Variants in FHIT observed in about 807,000 individuals in gnomAD.
The protein encoded by FHIT is fragile histidine triad diadenosine triphosphatase.
FHIT carries 19 observed loss-of-function variants against 17.9 expected under a neutral mutation model. The observed-to-expected ratio is 1.06, with a 90% CI of 0.74 to 1.56. FHIT has a LOEUF of 1.56. FHIT is among the 40% of genes most tolerant of loss of function. The pLI is 0.00. For synonymous variants in FHIT, 81 were observed against 69.7 expected, an observed-to-expected ratio of 1.16 and a Z score of -0.81; for missense variants, 248 against 189.2, an observed-to-expected ratio of 1.31 and a Z score of -1.82.
intron 3 of FHIT, among the ~76,000 whole-genome samples, chr3:60,928,983 C>T (rs572618978): frequency 8.5e-5 from 13 of 152,222 alleles, no homozygotes; most frequent in Middle Eastern, 3.4e-3. Flanking sequence ...ACTGGCAAAC[C>T]GAATCCAGCA....
intron 5 of FHIT, among the ~76,000 whole-genome samples, chr3:60,051,461 G>A (rs1242985023): frequency 1.3e-5 from 2 of 151,902 alleles, no homozygotes; most frequent in Non-Finnish European, 2.9e-5. Context: ...AGGAGGCAGG[G>A]CTCGGACACC....
rs1359336134 is a variant in FHIT at position 61,229,286 on chromosome 3, G to C, written c.-213+22015C>G. On this transcript the variant is annotated intron_variant, in intron 1 of 9. Coordinates refer to ENST00000492590, the MANE Select transcript of FHIT (RefSeq NM_002012.4). The stretch of plus-strand genomic sequence containing the variant: ...AAAAGAAGAAGATATAGAAGAGAAG[G>C]CCAAATGAAGCAAACAGTTATGTGG... 2.0e-5 allele frequency among the ~76,000 whole-genome samples: 3 copies of C among 152,232 alleles called. No homozygotes were observed. In the East Asian group the frequency reaches 5.8e-4, roughly 29 times the overall value.
At chr3:60,972,785 A>G (rs542429265) in intron 3 of FHIT, among the ~76,000 whole-genome samples, 1 of 151,904 alleles carries the variant, frequency 6.6e-6, no homozygotes, top group South Asian at 2.1e-4. Context: ...TAATCTGGAT[A>G]TTTTCCCTTG....
chr3:60,979,458 T>G (rs912734006), intron 3 of FHIT, among the ~76,000 whole-genome samples: 32 of 152,272 alleles, frequency 2.1e-4, no homozygotes, highest in African/African-American at 7.7e-4. Flanking sequence ...GAGGAGCTAC[T>G]TTATTGGGTG....
intron 5 of FHIT, among the ~76,000 whole-genome samples, chr3:60,306,362 G>A (rs1015863589): frequency 6.6e-6 from 1 of 152,124 alleles, no homozygotes; most frequent in African/African-American, 2.4e-5. Flanking sequence ...TTTGTTTGAG[G>A]AAACTAAAGG....
intron 4 of FHIT, among the ~76,000 whole-genome samples, chr3:60,558,584 C>A (rs534565091): frequency 8.5e-5 from 13 of 152,050 alleles, no homozygotes; most frequent in Admixed American, 1.3e-4. Flanking sequence ...CATTTTTCCC[C>A]ACTAAATGCA....
At chr3:59,824,101 T>A (rs1700893964) in intron 8 of FHIT, among the ~76,000 whole-genome samples, 1 of 152,120 alleles carries the variant, frequency 6.6e-6, no homozygotes, top group African/African-American at 2.4e-5. Context: ...TTACAATTCC[T>A]GCAAAAAATA....
chr3:61,202,141 G>A lies in FHIT; in HGVS notation c.-212-1476C>T, dbSNP rs558023950. Reference sequence around the variant, plus strand: ...AAGCCCAAAAGAAAGAGAAAAAGCCGTCTGGGAAGTGAGAAGCGCCTCTGC... The same window carrying A: ...AAGCCCAAAAGAAAGAGAAAAAGCCATCTGGGAAGTGAGAAGCGCCTCTGC... On this transcript the variant is annotated intron_variant, in intron 1 of 9. Transcript: ENST00000492590. Among the ~76,000 whole-genome samples the A allele has an allele frequency of 1.2e-3, 175 of 151,706 alleles. 1 individual carries two copies. The highest frequency in any genetic ancestry group is 3.9e-3 in the African/African-American group (162 of 41,346).
chr3:60,645,792 C>T (rs1436241111), intron 4 of FHIT, among the ~76,000 whole-genome samples: 1 of 152,134 alleles, frequency 6.6e-6, no homozygotes, highest in African/African-American at 2.4e-5. Flanking sequence ...ATAGTTAACG[C>T]TATAAGAGCC....
At chr3:61,196,864 A>G (rs535684127) in intron 2 of FHIT, among the ~76,000 whole-genome samples, 1 of 152,290 alleles carries the variant, frequency 6.6e-6, no homozygotes, top group African/African-American at 2.4e-5. Flanking sequence ...GAAAGTAGGG[A>G]AGAATATTTC....
At chr3:60,199,624 T>C (rs1189306574) in intron 5 of FHIT, among the ~76,000 whole-genome samples, 1 of 152,180 alleles carries the variant, frequency 6.6e-6, no homozygotes, top group Non-Finnish European at 1.5e-5. Context: ...CTGTAGTTTC[T>C]CCTAAGACTG....
chr3:61,182,097 T>C (rs1333017633), intron 2 of FHIT, among the ~76,000 whole-genome samples: 1 of 152,186 alleles, frequency 6.6e-6, no homozygotes. Flanking sequence ...AACCATTAAC[T>C]GAAAGAGAAA....
At chr3:60,315,232 A>G (rs1576463133) in intron 5 of FHIT, among the ~76,000 whole-genome samples, 2 of 152,196 alleles carry the variant, frequency 1.3e-5, no homozygotes, top group African/African-American at 4.8e-5. Flanking sequence ...CTTGGGAGAC[A>G]TAATAATAAT....
In FHIT at chr3:59,748,513, T is replaced by C. The variant is rs1175108561; in HGVS notation, c.*1072A>G. Among the ~76,000 whole-genome samples the C allele has an allele frequency of 6.6e-6, 1 of 152,030 alleles. No homozygotes were observed. Among genetic ancestry groups the C allele is most frequent in the African/African-American group, 2.4e-5 (1 of 41,416 alleles). Reference sequence around the variant, plus strand: ...GCTGTAGTGTGACCAGGGAGGCAGGTGCTGGGCAGGGTTGTATTAACAAGG... The same window carrying C: ...GCTGTAGTGTGACCAGGGAGGCAGGCGCTGGGCAGGGTTGTATTAACAAGG... On this transcript the variant is annotated 3_prime_UTR_variant, in exon 10 of 10. Transcript: ENST00000492590.
At chr3:61,166,329 T>G (rs1304556111) in intron 2 of FHIT, among the ~76,000 whole-genome samples, 1 of 152,210 alleles carries the variant, frequency 6.6e-6, no homozygotes, top group African/African-American at 2.4e-5. Flanking sequence ...AATCCAGGTA[T>G]TTTGATTCCA....
At chr3:60,810,323 A>G (rs1349884963) in intron 4 of FHIT, among the ~76,000 whole-genome samples, 1 of 152,212 alleles carries the variant, frequency 6.6e-6, no homozygotes, top group Admixed American at 6.5e-5. Flanking sequence ...AAACAGAACA[A>G]TTTCTGGCTG....
intron 5 of FHIT, among the ~76,000 whole-genome samples, chr3:60,341,873 T>A (rs966175780): frequency 6.6e-6 from 1 of 152,342 alleles, no homozygotes; most frequent in Admixed American, 6.5e-5. Context: ...TGGGTCTTAG[T>A]AATCTTGCAG....
At chr3:60,708,510 A>G (rs1355854018) in intron 4 of FHIT, among the ~76,000 whole-genome samples, 9 of 152,150 alleles carry the variant, frequency 5.9e-5, no homozygotes, top group African/African-American at 1.7e-4. Flanking sequence ...AGACCTGAAA[A>G]ACAATCTGAT....
chr3:60,336,060 G>C (rs1238308573), intron 5 of FHIT, among the ~76,000 whole-genome samples: 1 of 152,170 alleles, frequency 6.6e-6, no homozygotes, highest in East Asian at 1.9e-4. Flanking sequence ...GCAAGAAGCT[G>C]TTTTTCCACA....
Sources: gnomAD v4.1 joint callset for allele counts (sites outside exome capture counted in the v4.1 genomes callset) on GRCh38, gnomAD v4.1.1 for gene constraint, MANE v1.5 for transcripts, NCBI Gene and HGNC (gene_info 2026-07-23, HGNC 2026-07-21) for gene names.